Variants in CFTR observed in about 807,000 individuals in gnomAD.
CFTR encodes cystic fibrosis transmembrane conductance regulator.
Under a neutral mutation model 171.6 loss-of-function variants are expected in CFTR, and 181 were observed. The ratio of observed to expected loss-of-function variants is 1.05; its 90% CI spans 0.93 to 1.19. The LOEUF is 1.19. CFTR is among the 50% of genes most tolerant of loss of function. CFTR has a pLI of 0.00. For synonymous variants in CFTR, 583 were observed against 608.0 expected (o/e 0.96, Z 0.60); for missense variants, 1,968 against 1,734.7 (o/e 1.13, Z -2.39).
In CFTR at chr7:117,517,864, T is replaced by G. The variant is rs572092386; in HGVS notation, c.273+8722T>G. 5.9e-5 allele frequency among the ~76,000 whole-genome samples: 9 copies of G among 152,316 alleles called. No individual in the cohort carries two copies. The South Asian group carries it at 1.9e-3, about 32-fold the overall frequency. On this transcript the variant is annotated intron_variant, in intron 3 of 26. Transcript: ENST00000003084. ...TGCATAAATGTCTTCTTTTGAGAAG[T>G]GTCTGTTCATATCCTTTCCCCACTT...
At chr7:117,499,737 C>CT (rs1200729355) in intron 1 of CFTR, among the ~76,000 whole-genome samples, 4 of 151,676 alleles carry the variant, frequency 2.6e-5, no homozygotes, top group African/African-American at 9.7e-5. Flanking sequence ...AGGAGGATCT[C>CT]TTAAGCCCAG....
At chr7:117,512,124 A>G (rs959859960) in intron 3 of CFTR, among the ~76,000 whole-genome samples, 2 of 152,166 alleles carry the variant, frequency 1.3e-5, no homozygotes, top group Admixed American at 1.3e-4. Context: ...GCTTGGTTTC[A>G]GGACTGATAG....
Position 117,535,327 on chromosome 7 carries a change from A to T in CFTR, c.659A>T (p.Gln220Leu). ...ATGGGGCTAATCTGGGAGTTGTTAC[A>T]GGCGTCTGCCTTCTGTGGACTTGGT... is the stretch of plus-strand genomic sequence containing the variant. ...LLMGLIWELL[Q>L]ASAFCGLGFL... Residue 220 changes from glutamine (Q) to leucine (L), a missense_variant, in exon 6 of 27, where the codon CAG (glutamine) becomes CTG (leucine). By Grantham distance (113) the Gln-to-Leu change is moderately radical. Transcript: ENST00000003084. 1 of 1,614,084 alleles carries T rather than the reference A, an allele frequency of 6.2e-7. No individual in the cohort carries two copies. Among genetic ancestry groups the T allele is most frequent in the Non-Finnish European group, 8.5e-7 (1 of 1,179,972 alleles).
intron 10 of CFTR, among the ~76,000 whole-genome samples, chr7:117,549,779 A>G (rs1260307696): frequency 6.6e-6 from 1 of 152,136 alleles, no homozygotes; most frequent in South Asian, 2.1e-4. Context: ...ATAATCTAAG[A>G]CAAACAGAAA....
Position 117,592,032 on chromosome 7 carries a change from G to A in CFTR, c.1865G>A (p.Gly622Asp), listed in dbSNP as rs121908759. 1.2e-4 allele frequency: 192 copies of A among 1,603,502 alleles called. 2 individuals are homozygous for A. Among genetic ancestry groups the A allele is most frequent in the African/African-American group, 8.6e-4 (64 of 74,286 alleles). The change falls in exon 14 of 27, where the codon GGT (glycine) becomes GAT (aspartate). Residue 622 changes from glycine to aspartate, a missense_variant. Gly to Asp is a moderately conservative substitution (Grantham distance 94). Transcript: ENST00000003084. ...KADKILILHE[G>D]SSYFYGTFSE... ...GACAAAATATTAATTTTGCATGAAGGTAGCAGCTATTTTTATGGGACATTT... is the reference window on the plus strand; with the variant it reads ...GACAAAATATTAATTTTGCATGAAGATAGCAGCTATTTTTATGGGACATTT...
At chr7:117,572,952 T>TATC (rs1207161931) in intron 11 of CFTR, among the ~76,000 whole-genome samples, 2 of 152,194 alleles carry the variant, frequency 1.3e-5, no homozygotes, top group African/African-American at 2.4e-5. Flanking sequence ...GGTATTTTCC[T>TATC]ATCTACAAAG....
At chr7:117,584,619 T>C (rs150849457) in intron 11 of CFTR, among the ~76,000 whole-genome samples, 1,616 of 152,336 alleles carry the variant, frequency 0.011, 25 homozygotes, top group African/African-American at 0.036. Flanking sequence ...CCTCCAGATT[T>C]GTTCTTTTTG....
Position 117,642,542 on chromosome 7 carries a change from G to A in CFTR, c.3822G>A (p.Trp1274Ter), listed in dbSNP as rs397508613. Residue 1274 changes from tryptophan to a stop codon, truncating the protein, a stop_gained, in exon 23 of 27, where the codon TGG becomes TGA. Coordinates refer to ENST00000003084, the MANE Select transcript of CFTR (RefSeq NM_000492.4). LOFTEE classifies it high-confidence loss of function. Reference protein sequence around the residue: ...EGEIQIDGVSWDSITLQQWRK... With the variant: ...EGEIQIDGVS ...AAATCCAGATCGATGGTGTGTCTTG[G>A]GATTCAATAACTTTGCAACAGTGGA... 1.9e-6 allele frequency: 3 copies of A among 1,613,476 alleles called. No individual in the cohort carries two copies. The highest frequency in any genetic ancestry group is 1.7e-6 in the Non-Finnish European group (2 of 1,179,710).
chr7:117,564,664 T>C (rs940368691), intron 11 of CFTR: 1 of 167,168 alleles, frequency 6.0e-6, no homozygotes. Flanking sequence ...ATATATTACA[T>C]CTAGACTTGG....
chr7:117,488,942 T>C (rs1798115650), intron 1 of CFTR, among the ~76,000 whole-genome samples: 1 of 152,088 alleles, frequency 6.6e-6, no homozygotes, highest in Non-Finnish European at 1.5e-5. Flanking sequence ...AAGGTATATA[T>C]ACTCCTGTGA....
chr7:117,620,278 C>T (rs370409763), intron 21 of CFTR, among the ~76,000 whole-genome samples: 20 of 152,184 alleles, frequency 1.3e-4, no homozygotes, highest in East Asian at 9.6e-4. Context: ...TGGCCTTGGG[C>T]AAGTCCTAGC....
intron 11 of CFTR, among the ~76,000 whole-genome samples, chr7:117,585,612 C>T (rs934516198): frequency 1.3e-5 from 2 of 151,814 alleles, no homozygotes; most frequent in Admixed American, 1.3e-4. Context: ...CTTTTTTTCT[C>T]CAAAAGATTT....
chr7:117,663,067 A>G (rs1317410648), intron 24 of CFTR, among the ~76,000 whole-genome samples: 1 of 152,180 alleles, frequency 6.6e-6, no homozygotes, highest in African/African-American at 2.4e-5. Flanking sequence ...GAGATGACAG[A>G]TACACATTAA....
chr7:117,554,039 G>C (rs1455380018), intron 10 of CFTR, among the ~76,000 whole-genome samples: 1 of 152,252 alleles, frequency 6.6e-6, no homozygotes, highest in African/African-American at 2.4e-5. Context: ...GTGGAGGTAG[G>C]GGGTAAACCA....
intron 3 of CFTR, among the ~76,000 whole-genome samples, chr7:117,513,025 A>T (rs986394242): frequency 4.6e-5 from 7 of 152,272 alleles, no homozygotes; most frequent in African/African-American, 7.2e-5. Flanking sequence ...GGATGAAAAC[A>T]TTGGGTAGGC....
intron 23 of CFTR, among the ~76,000 whole-genome samples, chr7:117,647,088 T>C (rs1183231419): frequency 6.6e-6 from 1 of 152,194 alleles, no homozygotes; most frequent in Non-Finnish European, 1.5e-5. Context: ...ATTCATCTAA[T>C]TATAGCTACT....
chr7:117,575,441 A>G (rs1241185666), intron 11 of CFTR, among the ~76,000 whole-genome samples: 1 of 152,140 alleles, frequency 6.6e-6, no homozygotes, highest in Non-Finnish European at 1.5e-5. Context: ...TGTGGTGGCC[A>G]TGAGATGTGC....
At chr7:117,576,523 C>T (rs1160642123) in intron 11 of CFTR, among the ~76,000 whole-genome samples, 1 of 152,002 alleles carries the variant, frequency 6.6e-6, no homozygotes, top group African/African-American at 2.4e-5. Context: ...GAACCAATTC[C>T]CCACAGATGC....
At chr7:117,609,122 A>G (rs775072912) in intron 18 of CFTR, among the ~76,000 whole-genome samples, 7 of 151,960 alleles carry the variant, frequency 4.6e-5, no homozygotes, top group Non-Finnish European at 1.0e-4. Context: ...TGCTTCTTTG[A>G]GTTTGAGTAT....
Sources: allele counts gnomAD v4.1 joint callset (sites outside exome capture counted in the v4.1 genomes callset), GRCh38; gene constraint gnomAD v4.1.1; transcripts MANE v1.5; gene names NCBI Gene and HGNC (gene_info 2026-07-23, HGNC 2026-07-21).